Variants in PIWIL1 observed in about 807,000 individuals in gnomAD.
PIWIL1 encodes the protein piwi like RNA-mediated gene silencing 1.
PIWIL1 carries 73 observed loss-of-function variants against 114.4 expected under a neutral mutation model. That is an observed-to-expected ratio of 0.64 (90% CI 0.53 to 0.78). The LOEUF is 0.78. Among genes scored for constraint, PIWIL1 ranks in the 30% least tolerant of loss-of-function variants. The pLI is 0.00. For synonymous variants in PIWIL1, 375 were observed against 369.0 expected, an observed-to-expected ratio of 1.02 and a Z score of -0.19; for missense variants, 723 against 1,063.1, an observed-to-expected ratio of 0.68 and a Z score of 4.45.
the PIWIL1 span, among the ~76,000 whole-genome samples, chr12:130,404,437 A>G: frequency 1.3e-5 from 2 of 152,170 alleles, no homozygotes; most frequent in Non-Finnish European, 2.9e-5. Context: ...AGCTGGGATT[A>G]CAGGCACATG....
Position 130,354,907 on chromosome 12 carries a change from T to C in PIWIL1, c.1191T>C (p.Arg397=), listed in dbSNP as rs1291556257. The C allele has an allele frequency of 6.8e-6, 11 of 1,612,542 alleles. No individual in the cohort carries two copies. Among genetic ancestry groups the C allele is most frequent in the African/African-American group, 5.3e-5 (4 of 74,906 alleles). The stretch of plus-strand genomic sequence containing the variant: ...TTAAAGGTCTAACTGATAAAATGCG[T>C]AATGATTTTAACGTGATGAAAGACT... ...CYLTGLTDKM[R]NDFNVMKDLA... Residue 397 remains arginine (R), a synonymous_variant, in exon 11 of 21, where the codon CGT becomes CGC. Coordinates refer to ENST00000245255, the MANE Select transcript of PIWIL1 (RefSeq NM_004764.5).
At chr12:130,403,733 G>A in the PIWIL1 span, among the ~76,000 whole-genome samples, 1 of 151,960 alleles carries the variant, frequency 6.6e-6, no homozygotes, top group Non-Finnish European at 1.5e-5. Flanking sequence ...CATAATCCCG[G>A]TATCAAAAGC....
chr12:130,340,718 A>G (rs1010057494), intron 1 of PIWIL1, among the ~76,000 whole-genome samples: 29 of 151,984 alleles, frequency 1.9e-4, no homozygotes, highest in African/African-American at 6.8e-4. Flanking sequence ...GTAGATTATC[A>G]GTAAGAGACT....
chr12:130,424,541 G>A, the PIWIL1 span: 1 of 1,231,986 alleles, frequency 8.1e-7, no homozygotes, highest in Non-Finnish European at 1.0e-6. This position sits in a 1 kb window ranked among gnomAD's most constrained non-coding sequence, Gnocchi z 9.8. Context: ...TGGCCGAGCG[G>A]CTGAACCGAC....
intron 9 of PIWIL1, among the ~76,000 whole-genome samples, chr12:130,350,678 G>T (rs1370507762): frequency 1.3e-5 from 2 of 152,138 alleles, no homozygotes; most frequent in Non-Finnish European, 2.9e-5. Flanking sequence ...TGTTAAAAGC[G>T]CAGGAAGATT....
At chr12:130,419,129 T>C in the PIWIL1 span, among the ~76,000 whole-genome samples, 2 of 152,326 alleles carry the variant, frequency 1.3e-5, no homozygotes, top group African/African-American at 4.8e-5. This position sits in a 1 kb window ranked among gnomAD's most constrained non-coding sequence, Gnocchi z 4.3. Context: ...GCAGCCTCCC[T>C]GGAATGTGTC....
At chr12:130,375,896 C>T (rs973873484), downstream of PIWIL1, among the ~76,000 whole-genome samples, 2 of 152,154 alleles carry the variant, frequency 1.3e-5, no homozygotes, top group African/African-American at 2.4e-5. Context: ...CTCCTGGAAA[C>T]ATGCTCTGCC....
chr12:130,401,170 C>T, the PIWIL1 span, among the ~76,000 whole-genome samples: 9 of 151,944 alleles, frequency 5.9e-5, no homozygotes, highest in Admixed American at 2.0e-4. Flanking sequence ...GGCTGAAGTG[C>T]AGTAGCGTGA....
the PIWIL1 span, among the ~76,000 whole-genome samples, chr12:130,413,501 C>T: frequency 1.3e-5 from 2 of 151,860 alleles, no homozygotes; most frequent in Admixed American, 6.6e-5. Context: ...GGTGTGATGG[C>T]GCGCATCTGT....
At chr12:130,361,692 C>A in intron 16 of PIWIL1, 91 bp downstream of exon 16, 1 of 974,746 alleles carries the variant, frequency 1.0e-6, no homozygotes, top group Non-Finnish European at 1.6e-6. Flanking sequence ...CGTTGTTATC[C>A]TTCCAGTTTC....
At chr12:130,394,479 T>G in the PIWIL1 span, among the ~76,000 whole-genome samples, 1 of 152,234 alleles carries the variant, frequency 6.6e-6, no homozygotes, top group Admixed American at 6.5e-5. Context: ...CTTTTTTCTT[T>G]TAATATGAAT....
intron 1 of PIWIL1, among the ~76,000 whole-genome samples, chr12:130,341,892 G>C (rs1411371378): frequency 2.6e-5 from 4 of 152,200 alleles, no homozygotes; most frequent in Admixed American, 2.6e-4. Flanking sequence ...AAGAAATGGA[G>C]AGAACGGTCC....
At chr12:130,366,785 C>CACTAGAAAATATATTTTCT (rs534679604) in intron 18 of PIWIL1, 6,562 of 194,192 alleles carry the variant, frequency 0.034, 158 homozygotes, top group African/African-American at 0.075. Context: ...ATATTTTCTA[C>CACTAGAAAATATATTTTCT]ACAGTAGAAA....
rs2073337759 is a variant in PIWIL1, at chr12:130,355,443, C to T, written c.1290-110C>T. ...GCTGGCATTCTCACCAGCGCCTTCA[C>T]CCTGACGGCGACATTGGAGTGTGTT... On this transcript the variant is annotated intron_variant, in intron 11 of 20. Coordinates refer to ENST00000245255, the MANE Select transcript of PIWIL1 (RefSeq NM_004764.5). 1.3e-5 allele frequency: 11 copies of T among 826,404 alleles called. No homozygotes were observed. In the South Asian group the frequency reaches 1.5e-4, roughly 11 times the overall value. 51.2% of individuals were successfully genotyped at this position (826,404 alleles called of 1,614,324 possible). A position where few individuals can be genotyped will look rare whatever the true frequency, so the allele number is the denominator to read the frequency against.
chr12:130,413,986 G>T, the PIWIL1 span: 1 of 900,764 alleles, frequency 1.1e-6, no homozygotes, highest in Non-Finnish European at 1.7e-6. Context: ...ACAGCACCAT[G>T]CCACCTCCTC....
chr12:130,348,029 TA>T, intron 6 of PIWIL1, 73 bp from the exon 7 acceptor site: 1 of 1,034,360 alleles, frequency 9.7e-7, no homozygotes, highest in Non-Finnish European at 1.4e-6. Context: ...ACCCCTGCTC[TA>T]AACGACATGC....
At position 130,343,061 on chromosome 12, in the gene PIWIL1, A is replaced by G. The variant is rs1219134214; in HGVS notation, c.150A>G (p.Gly50=). Reference sequence around the variant, plus strand: ...CAGAGGGGGAATTATTTGGCCGTGGACGGCAGAGAGGAACAGCAGGAGGAA... The same window carrying G: ...CAGAGGGGGAATTATTTGGCCGTGGGCGGCAGAGAGGAACAGCAGGAGGAA... The part of the protein sequence containing the change: ...PPAEGELFGR[G]RQRGTAGGTA... Residue 50 remains glycine (G), a synonymous_variant, in exon 3 of 21, where the codon GGA becomes GGG. Coordinates refer to ENST00000245255, the MANE Select transcript of PIWIL1 (RefSeq NM_004764.5). 4 of 1,613,998 alleles carry G rather than the reference A, an allele frequency of 2.5e-6. No individual in the cohort carries two copies. The highest frequency in any genetic ancestry group is 3.4e-6 in the Non-Finnish European group (4 of 1,179,918).
intron 1 of PIWIL1, among the ~76,000 whole-genome samples, chr12:130,338,495 G>A (rs1384608817): frequency 7.3e-4 from 18 of 24,826 alleles, no homozygotes; most frequent in Non-Finnish European, 8.9e-4. Flanking sequence ...GGAGATGCAG[G>A]AGCCGGGTGC....
rs10848087 is a variant in PIWIL1 at position 130,354,620 on chromosome 12, G to A, written c.1128G>A (p.Leu376=). Residue 376 remains leucine (L), a synonymous_variant, in exon 10 of 21, where the codon CTG becomes CTA. Transcript: ENST00000245255. ...GAAGGCGGGGCCCTGGGGGGACACTGCCAGGGCCTGCCATGCTCATTCCTG... is the reference window on the plus strand; with the variant it reads ...GAAGGCGGGGCCCTGGGGGGACACTACCAGGGCCTGCCATGCTCATTCCTG... The part of the protein sequence containing the change: ...PKRRRGPGGT[L]PGPAMLIPEL... 0.18 allele frequency: 296,158 copies of A among 1,607,994 alleles called. 28,114 individuals are homozygous for A. The highest frequency in any genetic ancestry group is 0.22 in the African/African-American group (16,500 of 74,492).
Sources: gnomAD v4.1 joint callset for allele counts (sites outside exome capture counted in the v4.1 genomes callset) on GRCh38, gnomAD v4.1.1 for gene constraint, Gnocchi (gnomAD v3.1) non-coding constraint, MANE v1.5 for transcripts, NCBI Gene and HGNC (gene_info 2026-07-23, HGNC 2026-07-21) for gene names.